NRXN3: variants seen among roughly 807,000 people sequenced by gnomAD.
NRXN3 encodes the protein neurexin 3.
In NRXN3, 32 loss-of-function variants were observed where a neutral mutation model predicts 137.6. The observed-to-expected ratio is 0.23, with a 90% CI of 0.18 to 0.31. The LOEUF is 0.31. NRXN3 is among the 10% of genes least tolerant of loss of function. The probability of loss-of-function intolerance (pLI) is 1.00; values close to 1 mark genes in which losing one functional copy is unlikely to be tolerated. For synonymous variants in NRXN3, 798 were observed against 784.5 expected, an observed-to-expected ratio of 1.02 and a Z score of -0.29; for missense variants, 1,574 against 2,062.5, an observed-to-expected ratio of 0.76 and a Z score of 4.59.
At chr14:79,608,846 G>A (rs2098060126) in intron 16 of NRXN3, among the ~76,000 whole-genome samples, 1 of 151,510 alleles carries the variant, frequency 6.6e-6, no homozygotes, top group African/African-American at 2.4e-5. Context: ...CAGGAGTGCA[G>A]TGAAAAAAAA....
chr14:79,029,873 A>T (rs892539724), intron 15 of NRXN3, among the ~76,000 whole-genome samples: 1 of 151,218 alleles, frequency 6.6e-6, no homozygotes, highest in Non-Finnish European at 1.5e-5. Flanking sequence ...TAAAACAGGG[A>T]CTCATTTTTT....
chr14:79,795,665 T>TA (rs2099158914), intron 19 of NRXN3, among the ~76,000 whole-genome samples: 1 of 152,266 alleles, frequency 6.6e-6, no homozygotes, highest in Non-Finnish European at 1.5e-5. Flanking sequence ...GCTATTGCTG[T>TA]AACACCTGTC....
At chr14:79,356,510 T>G (rs915003106) in intron 15 of NRXN3, among the ~76,000 whole-genome samples, 1 of 152,166 alleles carries the variant, frequency 6.6e-6, no homozygotes, top group Non-Finnish European at 1.5e-5. Context: ...TGTTTCAAAT[T>G]CATCCACAGT....
chr14:78,701,328 A>G (rs1241103794), intron 6 of NRXN3, among the ~76,000 whole-genome samples: 2 of 152,204 alleles, frequency 1.3e-5, no homozygotes, highest in Non-Finnish European at 2.9e-5. Flanking sequence ...TACTTGTTAA[A>G]GCCTACGCTT....
intron 4 of NRXN3, among the ~76,000 whole-genome samples, chr14:78,503,588 G>C (rs4903771): frequency 0.38 from 58,272 of 151,934 alleles, 11,440 homozygotes; most frequent in Admixed American, 0.43. Flanking sequence ...TGTAAGCTTT[G>C]AGGTATGTGT....
At chr14:79,114,727 T>C (rs2054098867) in intron 15 of NRXN3, among the ~76,000 whole-genome samples, 1 of 152,140 alleles carries the variant, frequency 6.6e-6, no homozygotes, top group African/African-American at 2.4e-5. Flanking sequence ...GAGGACTTGC[T>C]ATGTTGCTCA....
chr14:78,304,912 A>T (rs2077210905), intron 4 of NRXN3, among the ~76,000 whole-genome samples: 1 of 152,212 alleles, frequency 6.6e-6, no homozygotes, highest in Admixed American at 6.5e-5. Context: ...CGTGATAAAA[A>T]TGTCATCTGA....
intron 10 of NRXN3, among the ~76,000 whole-genome samples, chr14:78,889,354 GT>G (rs1298457207): frequency 6.6e-6 from 1 of 151,952 alleles, no homozygotes; most frequent in East Asian, 1.9e-4. Context: ...GCTGAGTGCA[GT>G]TTTGCTTTCA....
intron 8 of NRXN3, among the ~76,000 whole-genome samples, chr14:78,790,444 C>A (rs1423355655): frequency 6.6e-6 from 1 of 152,138 alleles, no homozygotes; most frequent in East Asian, 1.9e-4. Flanking sequence ...CACCCCACAT[C>A]CATTTTGTTG....
At chr14:79,779,403 A>G (rs1166380194) in intron 19 of NRXN3, among the ~76,000 whole-genome samples, 2 of 152,176 alleles carry the variant, frequency 1.3e-5, no homozygotes, top group Non-Finnish European at 2.9e-5. Flanking sequence ...GTGAGCCACC[A>G]TGCCCGGCCA....
intron 15 of NRXN3, among the ~76,000 whole-genome samples, chr14:79,172,875 A>G (rs897921119): frequency 6.6e-6 from 1 of 152,216 alleles, no homozygotes; most frequent in African/African-American, 2.4e-5. Context: ...AAAAGTGGGC[A>G]AATAGATTAA....
At chr14:79,050,752 G>A (rs539293905) in intron 15 of NRXN3, among the ~76,000 whole-genome samples, 9 of 152,248 alleles carry the variant, frequency 5.9e-5, no homozygotes, top group Admixed American at 1.3e-4. Context: ...CCTGACTGCC[G>A]GCCTCAAGCC....
intron 16 of NRXN3, among the ~76,000 whole-genome samples, chr14:79,488,309 C>T (rs939409417): frequency 2.6e-5 from 4 of 152,198 alleles, no homozygotes; most frequent in African/African-American, 9.7e-5. Flanking sequence ...AGTCACTTAA[C>T]TTGTGACAGT....
intron 15 of NRXN3, among the ~76,000 whole-genome samples, chr14:79,406,875 A>C (rs1169280573): frequency 6.6e-6 from 1 of 152,202 alleles, no homozygotes; most frequent in African/African-American, 2.4e-5. Context: ...AACAGCTCCC[A>C]AAAGTAAGAT....
At chr14:78,513,287 G>T (rs192631147) in intron 4 of NRXN3, among the ~76,000 whole-genome samples, 1 of 152,138 alleles carries the variant, frequency 6.6e-6, no homozygotes, top group African/African-American at 2.4e-5. Flanking sequence ...GTACTTATTA[G>T]ATGTTAGCTA....
At chr14:78,901,247 T>C (rs888520531) in intron 10 of NRXN3, among the ~76,000 whole-genome samples, 1 of 151,988 alleles carries the variant, frequency 6.6e-6, no homozygotes, top group African/African-American at 2.4e-5. Context: ...TGTGTCCATC[T>C]CTATGGATCC....
chr14:79,199,452 G>GA (rs1458482763), intron 15 of NRXN3, among the ~76,000 whole-genome samples: 24 of 152,072 alleles, frequency 1.6e-4, no homozygotes, highest in African/African-American at 5.8e-4. Flanking sequence ...TTGAAGATGA[G>GA]AAAAAACAAA....
chr14:79,601,003 T>A (rs2097915786), intron 16 of NRXN3, among the ~76,000 whole-genome samples: 2 of 151,680 alleles, frequency 1.3e-5, no homozygotes, highest in African/African-American at 4.8e-5. Flanking sequence ...ACAATCTTCT[T>A]CATCAGGGAT....
chr14:79,075,908 G>A (rs1459576009), intron 15 of NRXN3, among the ~76,000 whole-genome samples: 1 of 152,120 alleles, frequency 6.6e-6, no homozygotes, highest in Admixed American at 6.6e-5. Context: ...GCCATTGGCC[G>A]TTTGCCCAAT....
Sources: allele counts gnomAD v4.1 joint callset (sites outside exome capture counted in the v4.1 genomes callset), GRCh38; gene constraint gnomAD v4.1.1; transcripts MANE v1.5; gene names NCBI Gene and HGNC (gene_info 2026-07-23, HGNC 2026-07-21).